PAK1: variants seen among roughly 807,000 people sequenced by gnomAD.
The protein encoded by PAK1 is serine/threonine-protein kinase PAK 1.
Under a neutral mutation model 67.4 loss-of-function variants are expected in PAK1, and 29 were observed. The ratio of observed to expected loss-of-function variants is 0.43; its 90% CI spans 0.32 to 0.59. PAK1 has a LOEUF of 0.59. Ranked by LOEUF, PAK1 falls within the 20% of genes least tolerant of loss-of-function variation. The pLI is 0.07. For synonymous variants in PAK1, 223 were observed against 237.4 expected (o/e 0.94, Z 0.56); for missense variants, 337 against 670.7 (o/e 0.50, Z 5.50).
intron 1 of PAK1, among the ~76,000 whole-genome samples, chr11:77,446,342 A>AG (rs1248905566): frequency 2.6e-5 from 4 of 151,798 alleles, no homozygotes; most frequent in Non-Finnish European, 5.9e-5. Context: ...CGAAACCCTG[A>AG]ATCTACTAAA....
At chr11:77,337,888 A>G (rs1942981031) in intron 11 of PAK1, among the ~76,000 whole-genome samples, 1 of 152,172 alleles carries the variant, frequency 6.6e-6, no homozygotes, top group East Asian at 1.9e-4. Context: ...ATTTTGTACT[A>G]TTTTGGATAT....
the PAK1 span, among the ~76,000 whole-genome samples, chr11:77,501,169 C>A: frequency 2.0e-5 from 3 of 151,236 alleles, no homozygotes; most frequent in African/African-American, 7.3e-5. Flanking sequence ...AAACAAAAAA[C>A]AAAAAACAAA....
intron 9 of PAK1, chr11:77,347,148 T>C (rs1268273935): frequency 4.4e-6 from 2 of 451,740 alleles, no homozygotes; most frequent in East Asian, 7.0e-5. Flanking sequence ...CTTCCATTCA[T>C]AGTTTTGTAA....
At chr11:77,376,145 G>C (rs1949054655) in intron 4 of PAK1, among the ~76,000 whole-genome samples, 1 of 152,132 alleles carries the variant, frequency 6.6e-6, no homozygotes, top group Non-Finnish European at 1.5e-5. Context: ...CGTACTGCTA[G>C]TATTTTTGAA....
chr11:77,345,341 A>AAC (rs1555145184), intron 9 of PAK1, among the ~76,000 whole-genome samples: 16 of 150,722 alleles, frequency 1.1e-4, no homozygotes, highest in Non-Finnish European at 1.5e-5. Context: ...AATAAAAACA[A>AAC]AAAAAAAATG....
Position 77,353,491 on chromosome 11 carries a change from C to T in PAK1, c.836+45G>A, listed in dbSNP as rs770403866. 6 of 1,383,090 alleles carry T rather than the reference C, an allele frequency of 4.3e-6. No individual in the cohort carries two copies. The South Asian group carries it at 7.1e-5, about 16-fold the overall frequency. The allele number at this position is 1,383,090 out of a possible 1,614,324, so 85.7% of individuals were successfully genotyped here. A position where few individuals can be genotyped will look rare whatever the true frequency, so the allele number is the denominator to read the frequency against. On this transcript the variant is annotated intron_variant, in intron 8 of 14. Coordinates refer to ENST00000356341, the MANE Select transcript of PAK1 (RefSeq NM_002576.5). ...GCAAAATCATATATGCCGGCACACA[C>T]ACTTTAAAGTCATTTCTCCAGGGAA...
At chr11:77,325,781 A>G (rs1342128670) in intron 14 of PAK1, among the ~76,000 whole-genome samples, 1 of 152,238 alleles carries the variant, frequency 6.6e-6, no homozygotes, top group Non-Finnish European at 1.5e-5. Flanking sequence ...CTAATAGGCC[A>G]GTATGCCATA....
At chr11:77,453,219 T>C (rs1956933501) in intron 1 of PAK1, among the ~76,000 whole-genome samples, 1 of 152,102 alleles carries the variant, frequency 6.6e-6, no homozygotes, top group Non-Finnish European at 1.5e-5. Flanking sequence ...GCCAGGTGTA[T>C]GGCGCACGCC....
At chr11:77,464,128 A>T (rs112183696) in intron 1 of PAK1, among the ~76,000 whole-genome samples, 1 of 152,168 alleles carries the variant, frequency 6.6e-6, no homozygotes, top group African/African-American at 2.4e-5. Context: ...GTGCATCTCT[A>T]TGTGAATCAG....
At chr11:77,484,249 A>G in the PAK1 span, among the ~76,000 whole-genome samples, 1 of 151,868 alleles carries the variant, frequency 6.6e-6, no homozygotes, top group African/African-American at 2.4e-5. Flanking sequence ...TGAGAAGATG[A>G]ACAGAGATAA....
chr11:77,467,388 C>T (rs1232024098), intron 1 of PAK1, among the ~76,000 whole-genome samples: 2 of 152,086 alleles, frequency 1.3e-5, no homozygotes, highest in Admixed American at 6.6e-5. Flanking sequence ...AACTATAAAC[C>T]CAAGGGTAGA....
intron 1 of PAK1, among the ~76,000 whole-genome samples, chr11:77,445,898 C>A (rs1407548002): frequency 6.6e-6 from 1 of 152,168 alleles, no homozygotes; most frequent in Non-Finnish European, 1.5e-5. Context: ...ATTTACAGGG[C>A]TCCTTCTCAT....
the PAK1 span, among the ~76,000 whole-genome samples, chr11:77,512,788 A>G: frequency 1.8e-4 from 28 of 152,132 alleles, no homozygotes; most frequent in African/African-American, 6.8e-4. Context: ...GTATCTGCAT[A>G]TTATAAAGAA....
At chr11:77,454,930 C>T (rs1957018724) in intron 1 of PAK1, among the ~76,000 whole-genome samples, 1 of 152,174 alleles carries the variant, frequency 6.6e-6, no homozygotes, top group African/African-American at 2.4e-5. Flanking sequence ...TTCAATTTCA[C>T]TGAGGAGAAG....
intron 1 of PAK1, among the ~76,000 whole-genome samples, chr11:77,414,340 G>A (rs1369020114): frequency 1.3e-5 from 2 of 152,206 alleles, no homozygotes; most frequent in Non-Finnish European, 2.9e-5. Context: ...TTAGTATGGT[G>A]GCTTTTAATT....
chr11:77,514,048 G>A, the PAK1 span, among the ~76,000 whole-genome samples: 9 of 152,338 alleles, frequency 5.9e-5, no homozygotes, highest in Middle Eastern at 3.4e-3. Context: ...AGGTCAAACA[G>A]CCAGTGAATG....
chr11:77,363,402 A>G (rs1400995563), intron 5 of PAK1, among the ~76,000 whole-genome samples: 1 of 152,208 alleles, frequency 6.6e-6, no homozygotes, highest in African/African-American at 2.4e-5. Context: ...AGGGAGACCA[A>G]GGATTGATAC....
intron 5 of PAK1, among the ~76,000 whole-genome samples, chr11:77,366,045 T>C (rs1227577064): frequency 6.6e-6 from 1 of 152,086 alleles, no homozygotes; most frequent in Admixed American, 6.6e-5. Context: ...CAAAAGGCAG[T>C]GGGATGACAT....
At chr11:77,446,428 C>A (rs1956604533) in intron 1 of PAK1, among the ~76,000 whole-genome samples, 1 of 148,640 alleles carries the variant, frequency 6.7e-6, no homozygotes, top group South Asian at 2.1e-4. Flanking sequence ...ATGAGAAACA[C>A]TTGAACCCAG....
Sources: allele counts gnomAD v4.1 joint callset (sites outside exome capture counted in the v4.1 genomes callset), GRCh38; gene constraint gnomAD v4.1.1; transcripts MANE v1.5; gene names NCBI Gene and HGNC (gene_info 2026-07-23, HGNC 2026-07-21).